The following CLIP1 variants were observed in gnomAD, a reference collection of about 807,000 sequenced individuals.
CLIP1 encodes the protein CAP-Gly domain containing linker protein 1, also known as CAP-Gly domain-containing linker protein 1.
Under a neutral mutation model 161.6 loss-of-function variants are expected in CLIP1, and 66 were observed. The observed-to-expected ratio is 0.41, with a 90% confidence interval of 0.33 to 0.50. CLIP1 has a LOEUF of 0.50. Ranked by LOEUF, CLIP1 falls within the 20% of genes least tolerant of loss-of-function variation. CLIP1 has a pLI of 0.27. For synonymous variants in CLIP1, 598 were observed against 626.2 expected, an observed-to-expected ratio of 0.96 and a Z score of 0.67; for missense variants, 1,376 against 1,702.0, an observed-to-expected ratio of 0.81 and a Z score of 3.37.
intron 20 of CLIP1, among the ~76,000 whole-genome samples, chr12:122,306,762 T>C (rs1950887981): frequency 6.6e-6 from 1 of 151,996 alleles, no homozygotes; most frequent in African/African-American, 2.4e-5. Context: ...AAAATAAATA[T>C]TTGAGGCAGA....
At chr12:122,400,816 GA>G (rs920379692) in intron 1 of CLIP1, 1 of 151,944 alleles carries the variant, frequency 6.6e-6, no homozygotes, top group African/African-American at 2.4e-5. Context: ...TATGCAAAAT[GA>G]TGCGATTTTC....
At chr12:122,417,927 G>A (rs992258913) in intron 1 of CLIP1, among the ~76,000 whole-genome samples, 14 of 151,814 alleles carry the variant, frequency 9.2e-5, no homozygotes, top group African/African-American at 3.1e-4. Flanking sequence ...TTTCTCTCTG[G>A]GCTCTACATT....
At chr12:122,404,061 G>A (rs758852707) in intron 1 of CLIP1, among the ~76,000 whole-genome samples, 6 of 152,178 alleles carry the variant, frequency 3.9e-5, no homozygotes, top group South Asian at 2.1e-4. Context: ...ATGAGTGAGC[G>A]GTCTACGCGA....
At chr12:122,276,742 G>A (rs1396412092) in intron 24 of CLIP1, 1 of 254,994 alleles carries the variant, frequency 3.9e-6, no homozygotes, top group African/African-American at 2.2e-5. Context: ...ACAGATGTTT[G>A]TTGCTATATA....
intron 1 of CLIP1, among the ~76,000 whole-genome samples, chr12:122,409,737 G>A (rs1027208173): frequency 1.3e-5 from 2 of 151,498 alleles, no homozygotes; most frequent in Non-Finnish European, 2.9e-5. Context: ...TCACCATGTT[G>A]GCCAGGCTGG....
At chr12:122,413,792 T>C (rs751469587) in intron 1 of CLIP1, among the ~76,000 whole-genome samples, 14 of 151,342 alleles carry the variant, frequency 9.3e-5, no homozygotes, top group Non-Finnish European at 1.6e-4. Context: ...CCACAATAAA[T>C]AGACAATTAA....
At chr12:122,415,481 CAA>C (rs546640412) in intron 1 of CLIP1, among the ~76,000 whole-genome samples, 57 of 78,776 alleles carry the variant, frequency 7.2e-4, no homozygotes, top group African/African-American at 1.1e-3. Context: ...GACTCCATCT[CAA>C]AAAAAAAAAA....
At position 122,273,043 on chromosome 12, in the gene CLIP1, G is replaced by C; in HGVS notation, c.4149C>G (p.Asp1383Glu). The change falls in exon 26 of 26, where the codon GAC becomes GAG. Residue 1383 changes from aspartate (D) to glutamate (E), a missense_variant. Coordinates refer to ENST00000620786, the MANE Select transcript of CLIP1 (RefSeq NM_001247997.2). ...CCTCTGTGTCGTGGAGATCAAAGCA[G>C]TCACAAATGTCACAGAAGAGGCGAG... is the stretch of plus-strand genomic sequence containing the variant. The part of the protein sequence containing the change: ...KKPRLFCDIC[D>E]CFDLHDTEDC... The C allele has an allele frequency of 6.2e-7, 1 of 1,614,176 alleles. No homozygotes were observed. The highest frequency in any genetic ancestry group is 8.5e-7 in the Non-Finnish European group (1 of 1,180,030).
intron 4 of CLIP1, 77 bp from the exon 5 acceptor site, chr12:122,361,258 C>A: frequency 8.2e-7 from 1 of 1,217,280 alleles, no homozygotes; most frequent in Non-Finnish European, 1.2e-6. Flanking sequence ...AAGGTTCTCC[C>A]AACTCCTAAC....
chr12:122,337,979 C>T (rs1347810981), intron 11 of CLIP1, among the ~76,000 whole-genome samples: 18 of 148,876 alleles, frequency 1.2e-4, no homozygotes, highest in Middle Eastern at 3.5e-3. Context: ...CATGCCACTG[C>T]ACTCCAGCCT....
At chr12:122,351,087 CCA>C (rs1953015134) in intron 9 of CLIP1, 22 bp downstream of exon 9, 1 of 1,526,248 alleles carries the variant, frequency 6.6e-7, no homozygotes, top group African/African-American at 1.4e-5. Context: ...AGGGAAATAT[CCA>C]CACAGTTAAG....
At chr12:122,409,824 G>A (rs947139851) in intron 1 of CLIP1, among the ~76,000 whole-genome samples, 12 of 151,662 alleles carry the variant, frequency 7.9e-5, no homozygotes, top group South Asian at 6.3e-4. Flanking sequence ...GGGCCACCGC[G>A]CCCGGCCTCA....
intron 5 of CLIP1, 37 bp downstream of exon 5, chr12:122,360,922 T>C (rs1157483842): frequency 6.4e-7 from 1 of 1,556,028 alleles, no homozygotes; most frequent in Admixed American, 1.8e-5. Context: ...TAATCCTGCC[T>C]GGGAAGTGGA....
chr12:122,377,957 A>C lies in CLIP1; in HGVS notation c.89T>G (p.Val30Gly), dbSNP rs374190792. ...GGATATGGTTTTTTCTACTGGAGCTACAACTGAAAACAAAAGATCATAAGA... is the reference window on the plus strand; with the variant it reads ...GGATATGGTTTTTTCTACTGGAGCTCCAACTGAAAACAAAAGATCATAAGA... ...STALKTPTAVVAPVEKTISSE... is the reference protein window; with the variant it reads ...STALKTPTAVGAPVEKTISSE... The change falls in exon 3 of 26, where the codon GTA (valine) becomes GGA (glycine). Residue 30 changes from valine to glycine, a missense_variant. By Grantham distance (109) the Val-to-Gly change is moderately radical (BLOSUM62 -3). Around this residue, in one of 6 missense-constraint regions of CLIP1, gnomAD observed 66 missense variants for 67.8 expected, o/e 0.97. Coordinates refer to ENST00000620786, the MANE Select transcript of CLIP1 (RefSeq NM_001247997.2). 1 of 1,595,842 alleles carries C rather than the reference A, an allele frequency of 6.3e-7. No individual in the cohort carries two copies. Among genetic ancestry groups the C allele is most frequent in the Non-Finnish European group, 8.5e-7 (1 of 1,173,702 alleles).
intron 1 of CLIP1, among the ~76,000 whole-genome samples, chr12:122,406,276 T>C (rs537590063): frequency 6.6e-6 from 1 of 152,156 alleles, no homozygotes; most frequent in East Asian, 1.9e-4. Context: ...CGAAACCCTG[T>C]CTCTGCAAAA....
intron 1 of CLIP1, among the ~76,000 whole-genome samples, chr12:122,384,936 AT>A (rs201805064): frequency 2.6e-3 from 356 of 136,726 alleles, no homozygotes; most frequent in Admixed American, 2.7e-3. Flanking sequence ...GTTGATGGTA[AT>A]TTTTTTTTTT....
At chr12:122,281,283 G>T (rs746561620) in intron 21 of CLIP1, among the ~76,000 whole-genome samples, 78 of 152,320 alleles carry the variant, frequency 5.1e-4, no homozygotes, top group East Asian at 1.7e-3. Context: ...ACCTTGTTAG[G>T]ACATAGGCTC....
intron 20 of CLIP1, among the ~76,000 whole-genome samples, chr12:122,301,846 T>G (rs1343744880): frequency 6.6e-6 from 1 of 152,202 alleles, no homozygotes; most frequent in African/African-American, 2.4e-5. Context: ...TATCATCAAG[T>G]GGCTCCTTTT....
chr12:122,316,668 A>G (rs767751951), intron 19 of CLIP1, 81 bp downstream of exon 19: 6 of 881,462 alleles, frequency 6.8e-6, no homozygotes, highest in Non-Finnish European at 1.0e-5. Context: ...TTCTCAAATA[A>G]TTTTTAAGTA....
Sources: gnomAD v4.1 joint callset for allele counts (sites outside exome capture counted in the v4.1 genomes callset) on GRCh38, gnomAD v4.1.1 for gene constraint, gnomAD v4.1.1 regional missense constraint, MANE v1.5 for transcripts, NCBI Gene and HGNC (gene_info 2026-07-23, HGNC 2026-07-21) for gene names.